The following CADM2 variants were observed in gnomAD, a reference collection of about 807,000 sequenced individuals.
CADM2 encodes the protein immunoglobulin superfamily member 4D.
Under a neutral mutation model 49.8 loss-of-function variants are expected in CADM2, and 12 were observed. The observed-to-expected ratio is 0.24, with a 90% CI of 0.15 to 0.39. The LOEUF (loss-of-function observed/expected upper bound fraction) is 0.39, where lower values mean the gene tolerates loss of function less well. CADM2 is among the 10% of genes least tolerant of loss of function. The pLI, the probability that CADM2 is intolerant of heterozygous loss-of-function variation, is 1.00. For synonymous variants in CADM2, 214 were observed against 175.4 expected (o/e 1.22, Z -1.74); for missense variants, 378 against 492.3 (o/e 0.77, Z 2.20).
intron 1 of CADM2, among the ~76,000 whole-genome samples, chr3:85,635,315 C>T (rs1313098979): frequency 2.0e-5 from 3 of 152,198 alleles, no homozygotes; most frequent in Admixed American, 6.6e-5. Context: ...ACACATTCTA[C>T]TATGTCACAC....
At chr3:85,431,788 A>G (rs933444523) in intron 1 of CADM2, among the ~76,000 whole-genome samples, 3 of 140,356 alleles carry the variant, frequency 2.1e-5, no homozygotes, top group Non-Finnish European at 3.1e-5. Flanking sequence ...TTGAGAGGGG[A>G]AAAAAAAGAA....
intron 1 of CADM2, among the ~76,000 whole-genome samples, chr3:85,003,412 G>A (rs958361166): frequency 3.9e-5 from 6 of 152,050 alleles, no homozygotes; most frequent in Non-Finnish European, 7.4e-5. Context: ...GAAATTCTAT[G>A]AAAAAGCTAG....
chr3:85,544,740 A>G (rs1251013498), intron 1 of CADM2, among the ~76,000 whole-genome samples: 1 of 152,144 alleles, frequency 6.6e-6, no homozygotes, highest in Non-Finnish European at 1.5e-5. Flanking sequence ...TAGATTGGGC[A>G]TAATTGACAA....
At chr3:86,033,141 C>T (rs1250747651) in intron 8 of CADM2, among the ~76,000 whole-genome samples, 1 of 151,814 alleles carries the variant, frequency 6.6e-6, no homozygotes, top group African/African-American at 2.4e-5. Context: ...CATCTTCTGT[C>T]ACTCCTGAAT....
intron 8 of CADM2, among the ~76,000 whole-genome samples, chr3:86,048,902 A>G (rs1283032656): frequency 6.6e-6 from 1 of 152,198 alleles, no homozygotes; most frequent in East Asian, 1.9e-4. Flanking sequence ...ACAGAAAATA[A>G]AACAAGGCCT....
In CADM2 at chr3:85,354,622, G is replaced by GAGAGAGAGAA. The variant is rs776501182; in HGVS notation, c.62-371891_62-371890insAAGAGAGAGA. On this transcript the variant is annotated intron_variant, in intron 1 of 9. Coordinates refer to ENST00000383699, the MANE Select transcript of CADM2 (RefSeq NM_001167675.2). ...CATATTATAAAGAATACCTAACAGA[G>GAGAGAGAGAA]AGAGAGAGAGAGAGAGAGAGAAGCC... 2.5e-3 allele frequency among the ~76,000 whole-genome samples: 377 copies of GAGAGAGAGAA among 150,448 alleles called. 1 individual carries two copies. The highest frequency in any genetic ancestry group is 4.2e-3 in the Non-Finnish European group (287 of 67,696).
intron 8 of CADM2, chr3:86,013,356 T>G: frequency 6.5e-7 from 1 of 1,542,070 alleles, no homozygotes; most frequent in Non-Finnish European, 8.9e-7. Flanking sequence ...ATTTGAATTA[T>G]TGATTCTGAT....
intron 1 of CADM2, among the ~76,000 whole-genome samples, chr3:85,329,081 AT>A (rs1039339811): frequency 1.3e-5 from 2 of 152,130 alleles, no homozygotes; most frequent in African/African-American, 4.8e-5. Flanking sequence ...AGAAAAATAA[AT>A]GTATAGGGAG....
intron 6 of CADM2, among the ~76,000 whole-genome samples, chr3:85,930,730 T>G (rs1269060459): frequency 6.6e-6 from 1 of 151,990 alleles, no homozygotes; most frequent in Non-Finnish European, 1.5e-5. Flanking sequence ...GTGCCTCGCT[T>G]ATTTCACAAA....
chr3:85,514,457 A>G (rs2060846092), intron 1 of CADM2, among the ~76,000 whole-genome samples: 1 of 152,086 alleles, frequency 6.6e-6, no homozygotes, highest in Admixed American at 6.5e-5. Flanking sequence ...TGGGCAGAGA[A>G]TATCTTTGAA....
At chr3:85,266,360 A>C (rs1351672064) in intron 1 of CADM2, among the ~76,000 whole-genome samples, 2 of 151,882 alleles carry the variant, frequency 1.3e-5, no homozygotes, top group Non-Finnish European at 2.9e-5. Flanking sequence ...TCAGTTCAAA[A>C]TATTTTGAGC....
intron 8 of CADM2, among the ~76,000 whole-genome samples, chr3:86,041,072 C>A (rs1277784826): frequency 6.6e-6 from 1 of 152,124 alleles, no homozygotes; most frequent in African/African-American, 2.4e-5. Context: ...AAAAGAGCTC[C>A]TGAAGGAAAC....
At chr3:85,177,361 A>T (rs530777508) in intron 1 of CADM2, among the ~76,000 whole-genome samples, 1 of 152,198 alleles carries the variant, frequency 6.6e-6, no homozygotes, top group African/African-American at 2.4e-5. Flanking sequence ...ATTTAAATTT[A>T]TTGAAATATT....
At chr3:85,794,203 T>G (rs1161688017) in intron 2 of CADM2, among the ~76,000 whole-genome samples, 1 of 152,196 alleles carries the variant, frequency 6.6e-6, no homozygotes, top group Non-Finnish European at 1.5e-5. Flanking sequence ...TTCCATATAT[T>G]TTCTCAGTGA....
At chr3:85,293,231 A>T (rs2043853771) in intron 1 of CADM2, among the ~76,000 whole-genome samples, 1 of 152,060 alleles carries the variant, frequency 6.6e-6, no homozygotes, top group Non-Finnish European at 1.5e-5. Flanking sequence ...TCCCAAGACT[A>T]AACCAGGAAG....
At chr3:86,055,621 C>T (rs1737893874) in intron 8 of CADM2, among the ~76,000 whole-genome samples, 1 of 151,876 alleles carries the variant, frequency 6.6e-6, no homozygotes, top group African/African-American at 2.4e-5. Flanking sequence ...GGCATGCCAC[C>T]ATGCCTGGCT....
chr3:85,621,188 G>C (rs1289085141), intron 1 of CADM2, among the ~76,000 whole-genome samples: 2 of 151,980 alleles, frequency 1.3e-5, no homozygotes, highest in Non-Finnish European at 2.9e-5. Context: ...TATATAACTA[G>C]TATTTTCCAG....
chr3:85,959,110 A>G (rs1724483079), intron 7 of CADM2, among the ~76,000 whole-genome samples: 2 of 149,370 alleles, frequency 1.3e-5, no homozygotes, highest in Admixed American at 1.4e-4. Flanking sequence ...CTGTATATCT[A>G]TATCTATATA....
At chr3:85,193,514 TACA>T (rs1459425220) in intron 1 of CADM2, among the ~76,000 whole-genome samples, 1 of 152,064 alleles carries the variant, frequency 6.6e-6, no homozygotes, top group Non-Finnish European at 1.5e-5. Context: ...TTCCTGCATA[TACA>T]ACAATTTATC....
Sources: allele counts gnomAD v4.1 joint callset (sites outside exome capture counted in the v4.1 genomes callset), GRCh38; gene constraint gnomAD v4.1.1; transcripts MANE v1.5; gene names NCBI Gene and HGNC (gene_info 2026-07-23, HGNC 2026-07-21).